SLC7A11: variants seen among roughly 807,000 people sequenced by gnomAD.
SLC7A11 encodes the protein solute carrier family 7 member 11.
In SLC7A11, 35 loss-of-function variants were observed where a neutral mutation model predicts 54.5. The ratio of observed to expected loss-of-function variants is 0.64; its 90% CI spans 0.49 to 0.85. The LOEUF (loss-of-function observed/expected upper bound fraction) is 0.85, where lower values mean the gene tolerates loss of function less well. Among genes scored for constraint, SLC7A11 ranks in the 40% least tolerant of loss-of-function variants. The pLI, the probability that SLC7A11 is intolerant of heterozygous loss-of-function variation, is 0.00. For missense variants in SLC7A11, 583 were observed against 618.1 expected (o/e 0.94, Z 0.60); for synonymous variants, 230 against 225.2 (o/e 1.02, Z -0.19).
intron 6 of SLC7A11, among the ~76,000 whole-genome samples, chr4:138,209,019 C>T (rs1737478168): frequency 6.6e-6 from 1 of 151,922 alleles, no homozygotes; most frequent in Non-Finnish European, 1.5e-5. Flanking sequence ...AATAGCAGCT[C>T]AAAAGTTATT....
chr4:138,226,182 G>A (rs376109404), intron 3 of SLC7A11, among the ~76,000 whole-genome samples: 3 of 152,052 alleles, frequency 2.0e-5, no homozygotes. Context: ...TCATTAAGAT[G>A]CTAGTACACT....
chr4:138,166,560 A>T lies in SLC7A11; in HGVS notation c.*5396T>A, dbSNP rs542818779. On this transcript the variant is annotated 3_prime_UTR_variant, in exon 12 of 12. Transcript: ENST00000280612. ...TACTTTTAAAAAAAATCAGTAGTGTATATGTTGAGGAAAAAAAGCATGTTC... is the reference window on the plus strand; with the variant it reads ...TACTTTTAAAAAAAATCAGTAGTGTTTATGTTGAGGAAAAAAAGCATGTTC... 1 of 152,714 alleles carries T rather than the reference A, an allele frequency of 6.5e-6. No homozygotes were observed. The highest frequency in any genetic ancestry group is 2.4e-5 in the African/African-American group (1 of 41,570). The allele number at this position is 152,714 out of a possible 1,614,324, so 9.5% of individuals were successfully genotyped here.
intron 3 of SLC7A11, among the ~76,000 whole-genome samples, chr4:138,224,954 T>C (rs1365265913): frequency 2.0e-5 from 3 of 151,556 alleles, no homozygotes; most frequent in Non-Finnish European, 2.9e-5. Flanking sequence ...TAAATTTATT[T>C]TTAGGAATAG....
intron 7 of SLC7A11, among the ~76,000 whole-genome samples, chr4:138,183,930 C>T (rs1227205562): frequency 6.6e-6 from 1 of 152,024 alleles, no homozygotes; most frequent in Non-Finnish European, 1.5e-5. Flanking sequence ...AAGGCTAGAA[C>T]ACAAATATAA....
chr4:138,190,521 C>A (rs970193910), intron 6 of SLC7A11, among the ~76,000 whole-genome samples: 3 of 152,098 alleles, frequency 2.0e-5, no homozygotes, highest in African/African-American at 7.2e-5. Context: ...AGAAATGACG[C>A]AAACATCTCT....
chr4:138,203,135 T>C (rs12644169), intron 6 of SLC7A11, among the ~76,000 whole-genome samples: 42,618 of 151,866 alleles, frequency 0.28, 6,738 homozygotes, highest in East Asian at 0.56. Context: ...CCCAATAAAA[T>C]AGGCCTGTGG....
In SLC7A11 at chr4:138,202,753, G is replaced by T. The variant is rs1010730767; in HGVS notation, c.791+11832C>A. Among the ~76,000 whole-genome samples the T allele has an allele frequency of 9.9e-5, 15 of 152,042 alleles. 1 individual carries two copies. The highest frequency in any genetic ancestry group is 5.2e-4 in the Admixed American group (8 of 15,250). On this transcript the variant is annotated intron_variant, in intron 6 of 11. Coordinates refer to ENST00000280612, the MANE Select transcript of SLC7A11 (RefSeq NM_014331.4). ...GCCGATAACCCAGAGGCTCAGAGAGGACAAAAGATGTAGCTAAGGACATAA... is the reference window on the plus strand; with the variant it reads ...GCCGATAACCCAGAGGCTCAGAGAGTACAAAAGATGTAGCTAAGGACATAA...
At chr4:138,209,299 C>T (rs1342574997) in intron 6 of SLC7A11, among the ~76,000 whole-genome samples, 4 of 151,944 alleles carry the variant, frequency 2.6e-5, no homozygotes, top group Non-Finnish European at 5.9e-5. Flanking sequence ...TGTTGCCGCA[C>T]ACCTGGACAC....
intron 11 of SLC7A11, among the ~76,000 whole-genome samples, chr4:138,172,630 G>A (rs931660944): frequency 1.3e-5 from 2 of 152,164 alleles, no homozygotes; most frequent in African/African-American, 4.8e-5. Context: ...AGAAACTGAA[G>A]ATGGGGCCTA....
intron 6 of SLC7A11, among the ~76,000 whole-genome samples, chr4:138,192,057 T>C (rs1321033245): frequency 2.6e-5 from 4 of 152,180 alleles, no homozygotes; most frequent in Non-Finnish European, 5.9e-5. Context: ...CCTCAGGATT[T>C]GGTCTACACA....
intron 11 of SLC7A11, 52 bp from the exon 12 acceptor site, chr4:138,172,069 A>C: frequency 6.5e-7 from 1 of 1,536,698 alleles, no homozygotes; most frequent in Non-Finnish European, 8.8e-7. Context: ...GAAATGCATT[A>C]AAAATAGCAA....
In SLC7A11 at chr4:138,241,767, C is replaced by T; in HGVS notation, c.277+26G>A. The T allele has an allele frequency of 3.2e-6, 5 of 1,556,856 alleles. No homozygotes were observed. The South Asian group carries it at 5.6e-5, about 17-fold the overall frequency. ...AGCTTTCCAGCCCCACAGCCACGCCCCCACGAGAGAAAAAGTCGCACTCAC... is the reference window on the plus strand; with the variant it reads ...AGCTTTCCAGCCCCACAGCCACGCCTCCACGAGAGAAAAAGTCGCACTCAC... On this transcript the variant is annotated intron_variant, in intron 1 of 11. Transcript: ENST00000280612.
In SLC7A11 at chr4:138,233,699, C is replaced by T. The variant is rs577312232; in HGVS notation, c.405-1317G>A. Among the ~76,000 whole-genome samples, 7 of 152,256 alleles carry T rather than the reference C, an allele frequency of 4.6e-5. No individual in the cohort carries two copies. The East Asian group carries it at 9.7e-4, about 21-fold the overall frequency. On this transcript the variant is annotated intron_variant, in intron 2 of 11. Transcript: ENST00000280612. ...TCTTCCCCAAACAAAACTGTTTATC[C>T]TATTCTCCATCATTTATACAATTTT...
At chr4:138,208,423 A>G (rs1737460962) in intron 6 of SLC7A11, among the ~76,000 whole-genome samples, 1 of 151,902 alleles carries the variant, frequency 6.6e-6, no homozygotes, top group African/African-American at 2.4e-5. Context: ...TCATCAACAC[A>G]AGATATGATT....
chr4:138,225,286 T>C (rs1220333706), intron 3 of SLC7A11, among the ~76,000 whole-genome samples: 1 of 151,536 alleles, frequency 6.6e-6, no homozygotes, highest in East Asian at 1.9e-4. Context: ...CATTTTGTTT[T>C]TGGAAAAAAC....
chr4:138,225,910 A>G (rs1436755858), intron 3 of SLC7A11, among the ~76,000 whole-genome samples: 2 of 152,232 alleles, frequency 1.3e-5, no homozygotes, highest in Middle Eastern at 3.4e-3. Context: ...AGAGGCAGGC[A>G]GGGAGGAAGG....
intron 6 of SLC7A11, among the ~76,000 whole-genome samples, chr4:138,197,312 A>G (rs1034382127): frequency 1.3e-5 from 2 of 152,134 alleles, no homozygotes; most frequent in Non-Finnish European, 2.9e-5. Flanking sequence ...GGCATTTGCT[A>G]TGTTGTTAAG....
At chr4:138,186,289 G>A (rs1191366025) in intron 6 of SLC7A11, among the ~76,000 whole-genome samples, 1 of 152,054 alleles carries the variant, frequency 6.6e-6, no homozygotes, top group Non-Finnish European at 1.5e-5. Context: ...CACCCTGCTG[G>A]GTGCCACTAA....
chr4:138,173,921 G>A (rs72712316), intron 11 of SLC7A11, among the ~76,000 whole-genome samples: 3,185 of 152,170 alleles, frequency 0.021, 47 homozygotes, highest in Non-Finnish European at 0.03. Context: ...TGTGGGAAAA[G>A]GAAATATTAA....
Sources: gnomAD v4.1 joint callset for allele counts (sites outside exome capture counted in the v4.1 genomes callset) on GRCh38, gnomAD v4.1.1 for gene constraint, MANE v1.5 for transcripts, NCBI Gene and HGNC (gene_info 2026-07-23, HGNC 2026-07-21) for gene names.